The following SOX5 variants were observed in gnomAD, a reference collection of about 807,000 sequenced individuals.
SOX5 encodes SRY-box transcription factor 5, also known as transcription factor SOX-5.
SOX5 carries 9 observed loss-of-function variants against 92.0 expected under a neutral mutation model. That is an observed-to-expected ratio of 0.10 (90% confidence interval 0.06 to 0.17). SOX5 has a LOEUF of 0.17. Ranked by LOEUF, SOX5 falls within the 10% of genes least tolerant of loss-of-function variation. The pLI, the probability that SOX5 is intolerant of heterozygous loss-of-function variation, is 1.00. For missense variants in SOX5, 642 were observed against 944.5 expected (o/e 0.68, Z 4.20); for synonymous variants, 344 against 336.3 (o/e 1.02, Z -0.25).
chr12:24,194,754 G>T (rs904855179), intron 4 of SOX5, among the ~76,000 whole-genome samples: 2 of 152,148 alleles, frequency 1.3e-5, no homozygotes, highest in East Asian at 1.9e-4. Flanking sequence ...GCTCTGTGGG[G>T]CTGGAAAGCT....
chr12:24,014,931 G>A (rs1052200829), intron 4 of SOX5, among the ~76,000 whole-genome samples: 1 of 152,048 alleles, frequency 6.6e-6, no homozygotes, highest in Non-Finnish European at 1.5e-5. Context: ...TGTGTGGCAA[G>A]GTCATGACCT....
rs142335104 is a variant in SOX5, at chr12:24,092,783, G to A, written c.-2+120560C>T. Among the ~76,000 whole-genome samples the A allele has an allele frequency of 8.5e-5, 13 of 152,250 alleles. No homozygotes were observed. In the East Asian group the frequency reaches 2.5e-3, roughly 29 times the overall value. On this transcript the variant is annotated intron_variant, in intron 4 of 4. Coordinates refer to the SOX5 transcript ENST00000446891. ...TAAATATTCCATTTCAATGTGACTT[G>A]GCATCTATTTTTCCACCACCAAATC...
At chr12:23,864,409 T>C (rs78751285) in intron 2 of SOX5, among the ~76,000 whole-genome samples, 12,830 of 152,232 alleles carry the variant, frequency 0.084, 615 homozygotes, top group Middle Eastern at 0.13. Flanking sequence ...GAAATTATTA[T>C]ACTTAGTGAG....
At chr12:24,331,848 C>CAAAAAAAAAAAAAAA in intron 2 of SOX5, among the ~76,000 whole-genome samples, 1 of 31,658 alleles carries the variant, frequency 3.2e-5, no homozygotes, top group Admixed American at 5.7e-4. Flanking sequence ...AAGACTGTCT[C>CAAAAAAAAAAAAAAA]AAAAAAAAAA....
intron 4 of SOX5, among the ~76,000 whole-genome samples, chr12:23,984,554 G>A (rs1949884890): frequency 1.3e-5 from 2 of 152,172 alleles, no homozygotes; most frequent in South Asian, 2.1e-4. Context: ...GGTTGTCTCA[G>A]TATGACTAGA....
intron 4 of SOX5, among the ~76,000 whole-genome samples, chr12:24,135,303 C>T (rs1950017786): frequency 6.6e-6 from 1 of 152,148 alleles, no homozygotes; most frequent in South Asian, 2.1e-4. Flanking sequence ...TCCCTTAGAC[C>T]CTCCTCTGAA....
At chr12:23,834,174 G>A (rs1182965744) in intron 3 of SOX5, among the ~76,000 whole-genome samples, 2 of 151,808 alleles carry the variant, frequency 1.3e-5, no homozygotes, top group East Asian at 1.9e-4. Context: ...TAGGTAAGAC[G>A]GGAAACGACA....
chr12:24,019,255 A>C (rs546436040), intron 4 of SOX5, among the ~76,000 whole-genome samples: 1 of 152,306 alleles, frequency 6.6e-6, no homozygotes, highest in Non-Finnish European at 1.5e-5. Context: ...TTACAGGCAT[A>C]AGCCACCATG....
At chr12:24,263,410 C>T (rs927211762) in intron 3 of SOX5, among the ~76,000 whole-genome samples, 5 of 151,430 alleles carry the variant, frequency 3.3e-5, no homozygotes, top group Admixed American at 6.6e-5. Context: ...GGCCTGTAGT[C>T]CCAGCTGCTC....
chr12:23,990,247 G>A (rs894151714), intron 4 of SOX5, among the ~76,000 whole-genome samples: 2 of 152,084 alleles, frequency 1.3e-5, no homozygotes. Context: ...CTATGCAAGA[G>A]ATCTTTTTAA....
chr12:23,901,638 G>T (rs7136898), intron 1 of SOX5, among the ~76,000 whole-genome samples: 49,950 of 151,832 alleles, frequency 0.33, 9,455 homozygotes, highest in Non-Finnish European at 0.44. Context: ...CATTTTGTTC[G>T]CAGCCTTTAT....
chr12:24,514,745 C>T (rs1377938584), intron 1 of SOX5, among the ~76,000 whole-genome samples: 1 of 152,168 alleles, frequency 6.6e-6, no homozygotes, highest in Non-Finnish European at 1.5e-5. Context: ...AGCTCATATC[C>T]TTTGCAGGGA....
chr12:23,839,952 T>G (rs180971133), intron 3 of SOX5, among the ~76,000 whole-genome samples: 2 of 144,074 alleles, frequency 1.4e-5, no homozygotes, highest in African/African-American at 5.2e-5. Context: ...TCTTACTTAC[T>G]CAGCATTGTA....
chr12:23,553,341 T>C (rs9805111), intron 11 of SOX5, among the ~76,000 whole-genome samples: 34,654 of 151,800 alleles, frequency 0.23, 4,642 homozygotes, highest in East Asian at 0.54. Context: ...GTCCTTAAAA[T>C]AGAAAACCGC....
intron 1 of SOX5, among the ~76,000 whole-genome samples, chr12:24,552,982 T>C (rs1230475673): frequency 6.6e-6 from 1 of 152,192 alleles, no homozygotes; most frequent in Admixed American, 6.5e-5. Context: ...CAGTGAGCCA[T>C]GATTGTGCCA....
chr12:24,113,348 GAAC>G (rs1349701056), intron 4 of SOX5, among the ~76,000 whole-genome samples: 2 of 150,732 alleles, frequency 1.3e-5, no homozygotes, highest in Admixed American at 1.3e-4. Context: ...TTGAAATGGT[GAAC>G]AACCCTTGGT....
chr12:24,106,511 C>A (rs1013848763), intron 4 of SOX5, among the ~76,000 whole-genome samples: 11 of 152,048 alleles, frequency 7.2e-5, no homozygotes, highest in Non-Finnish European at 1.5e-4. Flanking sequence ...ATAAGAGAAG[C>A]CAGGCGTGGT....
intron 1 of SOX5, among the ~76,000 whole-genome samples, chr12:24,493,944 C>G (rs1222212849): frequency 1.3e-5 from 2 of 152,026 alleles, no homozygotes; most frequent in African/African-American, 4.8e-5. Context: ...GATACATTGA[C>G]TTTTTAAAAG....
chr12:23,784,392 T>A (rs1008442534), intron 3 of SOX5, among the ~76,000 whole-genome samples: 3 of 152,190 alleles, frequency 2.0e-5, no homozygotes, highest in Admixed American at 2.0e-4. Context: ...AGTGGCATGA[T>A]CTCTGCTCAC....
Sources: allele counts gnomAD v4.1 joint callset (sites outside exome capture counted in the v4.1 genomes callset), GRCh38; gene constraint gnomAD v4.1.1; transcripts MANE v1.5; gene names NCBI Gene and HGNC (gene_info 2026-07-23, HGNC 2026-07-21).